PDE1B: variants seen among roughly 807,000 people sequenced by gnomAD.
PDE1B encodes the protein dual specificity calcium/calmodulin-dependent 3',5'-cyclic nucleotide phosphodiesterase 1B.
PDE1B carries 13 observed loss-of-function variants against 66.7 expected under a neutral mutation model. The ratio of observed to expected loss-of-function variants is 0.19; its 90% CI spans 0.13 to 0.31. PDE1B has a LOEUF of 0.31. Ranked by LOEUF, PDE1B falls within the 10% of genes least tolerant of loss-of-function variation. The probability of loss-of-function intolerance (pLI) is 1.00; values close to 1 mark genes in which losing one functional copy is unlikely to be tolerated. For synonymous variants in PDE1B, 230 were observed against 253.9 expected (o/e 0.91, Z 0.90); for missense variants, 485 against 682.3 (o/e 0.71, Z 3.22).
At chr12:54,552,396 T>A (rs1228963502) in intron 2 of PDE1B, among the ~76,000 whole-genome samples, 1 of 152,212 alleles carries the variant, frequency 6.6e-6, no homozygotes, top group Non-Finnish European at 1.5e-5. Context: ...TGCTTGGAAA[T>A]GGAAACATGG....
At chr12:54,567,125 C>G in intron 3 of PDE1B, 38 bp downstream of exon 3, 1 of 1,067,924 alleles carries the variant, frequency 9.4e-7, no homozygotes, top group Non-Finnish European at 1.4e-6. Flanking sequence ...AGAAAGATGT[C>G]AGACATAGTG....
chr12:54,561,562 T>A (rs1167504412), intron 2 of PDE1B: 31 of 1,516,010 alleles, frequency 2.0e-5, no homozygotes, highest in Non-Finnish European at 2.5e-5. Flanking sequence ...TTTGATACTC[T>A]GAAGCAGGAA....
At chr12:54,576,860 C>G in intron 14 of PDE1B, 159 bp downstream of exon 14, 1 of 730,212 alleles carries the variant, frequency 1.4e-6, no homozygotes, top group Non-Finnish European at 2.3e-6. Context: ...GAAAGACTGG[C>G]TGAGTGGCCT....
rs375352902 is a variant in PDE1B, at chr12:54,556,866, G to T, written c.113+6881G>T. ...AGGTTGGGAAGGGAACTTGGCTGGT[G>T]GGGGGTTGAGGGCTGGGGGCTGGGG... On this transcript the variant is annotated intron_variant, in intron 2 of 15. Coordinates refer to ENST00000243052, the MANE Select transcript of PDE1B (RefSeq NM_000924.4). Among the ~76,000 whole-genome samples the T allele has an allele frequency of 1.4e-4, 21 of 152,022 alleles. No homozygotes were observed. The East Asian group carries it at 1.9e-3, about 14-fold the overall frequency.
At chr12:54,577,737 C>T (rs1343882838) in intron 15 of PDE1B, 123 bp from the exon 16 acceptor site, 5 of 514,606 alleles carry the variant, frequency 9.7e-6, no homozygotes, top group Non-Finnish European at 1.7e-5. Context: ...GGGCACCCTT[C>T]TGAAGGGCAT....
rs569568067 is a variant in PDE1B, at chr12:54,564,321, C to T, written c.114-2653C>T. 7.1e-5 allele frequency among the ~76,000 whole-genome samples: 10 copies of T among 140,092 alleles called. No individual in the cohort carries two copies. In the East Asian group the frequency reaches 1.6e-3, roughly 23 times the overall value. The allele number at this position is 140,092 out of a possible 152,430, so 91.9% of individuals were successfully genotyped here. On this transcript the variant is annotated intron_variant, in intron 2 of 15. Coordinates refer to ENST00000243052, the MANE Select transcript of PDE1B (RefSeq NM_000924.4). ...AGTCCAGAGCTATGATCTGGGTGACCTTGTCTCTTAAAAAAAAAAAAAAAA... is the reference window on the plus strand; with the variant it reads ...AGTCCAGAGCTATGATCTGGGTGACTTTGTCTCTTAAAAAAAAAAAAAAAA...
chr12:54,578,452 T>G lies in PDE1B; in HGVS notation c.*610T>G, dbSNP rs904924069. The G allele has an allele frequency of 2.6e-5, 4 of 152,212 alleles. No individual in the cohort carries two copies. Among genetic ancestry groups the G allele is most frequent in the African/African-American group, 9.7e-5 (4 of 41,442 alleles). The allele number at this position is 152,212 out of a possible 1,614,324, so 9.4% of individuals were successfully genotyped here. ...GAGGACATCCTCTTCACCCCAGAATTGCGCTGCTTCAGCCCCATCTCCAGC... is the reference window on the plus strand; with the variant it reads ...GAGGACATCCTCTTCACCCCAGAATGGCGCTGCTTCAGCCCCATCTCCAGC... On this transcript the variant is annotated 3_prime_UTR_variant, in exon 16 of 16. Coordinates refer to ENST00000243052, the MANE Select transcript of PDE1B (RefSeq NM_000924.4).
chr12:54,562,937 CAGA>C (rs1160010817), intron 2 of PDE1B, among the ~76,000 whole-genome samples: 1 of 152,202 alleles, frequency 6.6e-6, no homozygotes, highest in Non-Finnish European at 1.5e-5. Flanking sequence ...CTGTAAGTGA[CAGA>C]AGGAGAAACT....
chr12:54,550,230 A>G, intron 2 of PDE1B: 5 of 1,357,194 alleles, frequency 3.7e-6, no homozygotes, highest in Non-Finnish European at 4.8e-6. Flanking sequence ...GTGCCTGTGG[A>G]CCCCAGGCTG....
At chr12:54,559,885 C>T (rs745483103) in intron 2 of PDE1B, among the ~76,000 whole-genome samples, 2 of 152,000 alleles carry the variant, frequency 1.3e-5, no homozygotes, top group Non-Finnish European at 2.9e-5. Flanking sequence ...CCACTCTCAG[C>T]CCCATCCTGC....
chr12:54,552,080 G>A (rs752301370), intron 2 of PDE1B, among the ~76,000 whole-genome samples: 1 of 152,204 alleles, frequency 6.6e-6, no homozygotes, highest in African/African-American at 2.4e-5. Flanking sequence ...TTAAAGCAGA[G>A]AAAGACCTTG....
At chr12:54,577,690 G>T in intron 15 of PDE1B, 170 bp from the exon 16 acceptor site, 2 of 817,970 alleles carry the variant, frequency 2.4e-6, no homozygotes, top group Non-Finnish European at 3.6e-6. Context: ...GCAGCTGAAC[G>T]TGACTTCGAC....
chr12:54,561,682 C>G, intron 2 of PDE1B: 1 of 1,387,524 alleles, frequency 7.2e-7, no homozygotes, highest in Non-Finnish European at 9.9e-7. Context: ...AGGGAAAGGA[C>G]AGGTTGCTCA....
Position 54,573,854 on chromosome 12 carries a change from T to TGAGAGA in PDE1B, c.1064+146_1064+147insAGAGAG. 2.2e-6 allele frequency: 1 copy of TGAGAGA among 457,224 alleles called. No homozygotes were observed. Among genetic ancestry groups the TGAGAGA allele is most frequent in the Non-Finnish European group, 3.8e-6 (1 of 264,510 alleles). The allele number at this position is 457,224 out of a possible 1,614,324, so 28.3% of individuals were successfully genotyped here. ...CTTCAGGTATCAGACTGCATCTCTA[T>TGAGAGA]GTGAGAGAGAGAGAGAGTGTGTGTG... On this transcript the variant is annotated intron_variant, in intron 10 of 15. Transcript: ENST00000243052. The surrounding 1 kb of genome is among the most constrained non-coding windows in gnomAD (Gnocchi z 5.2).
chr12:54,576,721 G>A lies in PDE1B; in HGVS notation c.1507+20G>A. 2 of 1,586,354 alleles carry A rather than the reference G, an allele frequency of 1.3e-6. No homozygotes were observed. The highest frequency in any genetic ancestry group is 2.3e-5 in the South Asian group (2 of 87,738). ...CAAGTGGTGGGTACCATGGCAGAGG[G>A]CAGGGGTGAGAACTTGTGTGGGTGG... On this transcript the variant is annotated intron_variant, in intron 14 of 15. Coordinates refer to ENST00000243052, the MANE Select transcript of PDE1B (RefSeq NM_000924.4).
rs368560938 is a variant in PDE1B at position 54,573,602 on chromosome 12, G to A, written c.963-6G>A. 21 of 1,613,020 alleles carry A rather than the reference G, an allele frequency of 1.3e-5. No homozygotes were observed. The highest frequency in any genetic ancestry group is 8.0e-5 in the African/African-American group (6 of 74,850). On this transcript the variant is annotated splice_polypyrimidine_tract_variant and splice_region_variant and intron_variant, in intron 9 of 15. Transcript: ENST00000243052. This position sits in a 1 kb window ranked among gnomAD's most constrained non-coding sequence, Gnocchi z 5.2. Reference sequence around the variant, plus strand: ...ACTGATTGCTTCTCTTTTTATGTCCGCTCAGAGAACTCCGAGCCCTGGTCA... The same window carrying A: ...ACTGATTGCTTCTCTTTTTATGTCCACTCAGAGAACTCCGAGCCCTGGTCA...
At chr12:54,554,223 T>C (rs1359781464) in intron 2 of PDE1B, 1 of 152,208 alleles carries the variant, frequency 6.6e-6, no homozygotes, top group African/African-American at 2.4e-5. Context: ...ATAGGCCCCA[T>C]GGAGTGATCT....
In PDE1B at chr12:54,568,146, C is replaced by G. The variant is rs371484846; in HGVS notation, c.228-1038C>G. ...CCTGGGGATTACAGGCGTGAGCTAC[C>G]GCGCCCAGCCGATATCTCATTAATA... On this transcript the variant is annotated intron_variant, in intron 3 of 15. Coordinates refer to ENST00000243052, the MANE Select transcript of PDE1B (RefSeq NM_000924.4). 1.4e-3 allele frequency among the ~76,000 whole-genome samples: 211 copies of G among 152,246 alleles called. 2 individuals carry two copies. The South Asian group carries it at 0.016, about 12-fold the overall frequency.
At chr12:54,571,766 T>G (rs1276839585) in intron 6 of PDE1B, 2 of 152,210 alleles carry the variant, frequency 1.3e-5, no homozygotes, top group Non-Finnish European at 1.5e-5. Context: ...AAACAGTCCT[T>G]TAAAATTTCC....
Sources: gnomAD v4.1 joint callset for allele counts (sites outside exome capture counted in the v4.1 genomes callset) on GRCh38, gnomAD v4.1.1 for gene constraint, Gnocchi (gnomAD v3.1) non-coding constraint, MANE v1.5 for transcripts, NCBI Gene and HGNC (gene_info 2026-07-23, HGNC 2026-07-21) for gene names.